The following HECW2 variants were observed in gnomAD, a reference collection of about 807,000 sequenced individuals.
The protein encoded by HECW2 is E3 ubiquitin-protein ligase HECW2.
HECW2 carries 61 observed loss-of-function variants against 175.2 expected under a neutral mutation model. The ratio of observed to expected loss-of-function variants is 0.35; its 90% CI spans 0.28 to 0.43. HECW2 has a LOEUF of 0.43. Among genes scored for constraint, HECW2 ranks in the 20% least tolerant of loss-of-function variants. The probability of loss-of-function intolerance (pLI) is 1.00; values close to 1 mark genes in which losing one functional copy is unlikely to be tolerated. For synonymous variants in HECW2, 671 were observed against 731.0 expected, an observed-to-expected ratio of 0.92 and a Z score of 1.32; for missense variants, 1,524 against 2,000.5, an observed-to-expected ratio of 0.76 and a Z score of 4.54.
intron 5 of HECW2, among the ~76,000 whole-genome samples, chr2:196,327,893 C>A (rs1312593858): frequency 6.6e-6 from 1 of 152,192 alleles, no homozygotes; most frequent in Non-Finnish European, 1.5e-5. Context: ...GGATTTTTAA[C>A]TTGCAGATGG....
At chr2:196,388,475 G>C (rs1694415101) in intron 2 of HECW2, among the ~76,000 whole-genome samples, 1 of 152,052 alleles carries the variant, frequency 6.6e-6, no homozygotes, top group Non-Finnish European at 1.5e-5. Context: ...TTATAAATTA[G>C]ATGCTATTAT....
At chr2:196,591,076 G>A (rs574218867) in intron 1 of HECW2, among the ~76,000 whole-genome samples, 81 of 152,300 alleles carry the variant, frequency 5.3e-4, no homozygotes, top group Admixed American at 1.6e-3. Context: ...AGTGGTAGGC[G>A]CAGAAAAGCT....
chr2:196,351,462 C>T (rs1040456273), intron 2 of HECW2, among the ~76,000 whole-genome samples: 3 of 151,986 alleles, frequency 2.0e-5, no homozygotes, highest in African/African-American at 7.2e-5. Flanking sequence ...TGTTAAATAA[C>T]TCCAAAACCT....
At chr2:196,300,665 C>A (rs1050066133) in intron 13 of HECW2, among the ~76,000 whole-genome samples, 1 of 150,838 alleles carries the variant, frequency 6.6e-6, no homozygotes, top group Non-Finnish European at 1.5e-5. Context: ...GTGATGCCTC[C>A]ATCTATACAT....
intron 7 of HECW2, 56 bp from the exon 8 acceptor site, chr2:196,320,495 G>A (rs1244542559): frequency 5.9e-5 from 68 of 1,147,924 alleles, no homozygotes; most frequent in Non-Finnish European, 7.7e-5. Context: ...AGCCTTCGCC[G>A]TCTTTCCACA....
At chr2:196,396,375 T>C (rs922758154) in intron 2 of HECW2, among the ~76,000 whole-genome samples, 26 of 152,290 alleles carry the variant, frequency 1.7e-4, no homozygotes, top group African/African-American at 5.1e-4. Context: ...CTTTACAAAA[T>C]GATGAATGCA....
intron 1 of HECW2, among the ~76,000 whole-genome samples, chr2:196,499,110 C>T (rs1687493148): frequency 6.6e-6 from 1 of 152,164 alleles, no homozygotes; most frequent in Admixed American, 6.5e-5. Flanking sequence ...TATCCCCCAT[C>T]TCCTTGCTCA....
intron 2 of HECW2, among the ~76,000 whole-genome samples, chr2:196,404,525 G>A (rs1694907509): frequency 6.6e-6 from 1 of 152,164 alleles, no homozygotes; most frequent in Non-Finnish European, 1.5e-5. Flanking sequence ...TAATTGTGGT[G>A]AAAGCCTCAA....
At chr2:196,500,580 GTAAC>G (rs1280740852) in intron 1 of HECW2, among the ~76,000 whole-genome samples, 9 of 152,074 alleles carry the variant, frequency 5.9e-5, no homozygotes, top group Admixed American at 3.3e-4. Flanking sequence ...CTGACATAAA[GTAAC>G]TAACTTTTAT....
At chr2:196,495,947 G>A (rs1245873616) in intron 1 of HECW2, among the ~76,000 whole-genome samples, 1 of 152,130 alleles carries the variant, frequency 6.6e-6, no homozygotes, top group African/African-American at 2.4e-5. Flanking sequence ...GAAGACTTTG[G>A]ACTTCATTCT....
At chr2:196,420,785 T>C (rs1695387531) in intron 2 of HECW2, among the ~76,000 whole-genome samples, 1 of 152,088 alleles carries the variant, frequency 6.6e-6, no homozygotes, top group African/African-American at 2.4e-5. Flanking sequence ...ATCCAAAAGA[T>C]TACTGTTTTC....
intron 2 of HECW2, among the ~76,000 whole-genome samples, chr2:196,379,236 A>C (rs1173437616): frequency 6.6e-6 from 1 of 152,224 alleles, no homozygotes; most frequent in Non-Finnish European, 1.5e-5. Context: ...CAGTTCAAAA[A>C]CAGGCAAAAC....
chr2:196,348,748 C>T (rs1255027132), intron 2 of HECW2, among the ~76,000 whole-genome samples: 3 of 152,174 alleles, frequency 2.0e-5, no homozygotes, highest in Admixed American at 6.5e-5. Context: ...TTATTTCTTC[C>T]TTTAACTGAG....
At chr2:196,317,201 T>G (rs1691730521) in intron 10 of HECW2, 73 bp downstream of exon 10, 13 of 1,131,252 alleles carry the variant, frequency 1.1e-5, no homozygotes, top group Non-Finnish European at 1.7e-5. Context: ...CTTTTGAGAC[T>G]CATGGGAATG....
intron 1 of HECW2, among the ~76,000 whole-genome samples, chr2:196,522,272 A>G (rs904128529): frequency 6.6e-5 from 10 of 152,172 alleles, no homozygotes; most frequent in Non-Finnish European, 4.4e-5. Flanking sequence ...TTGGCTGCAT[A>G]AATGTCTTCT....
chr2:196,421,481 A>G (rs971984723), intron 2 of HECW2, among the ~76,000 whole-genome samples: 1 of 152,204 alleles, frequency 6.6e-6, no homozygotes, highest in Non-Finnish European at 1.5e-5. Flanking sequence ...TAATTGCATT[A>G]TAAGTAACTT....
intron 1 of HECW2, among the ~76,000 whole-genome samples, chr2:196,469,131 G>A (rs946772467): frequency 3.2e-4 from 44 of 137,684 alleles, no homozygotes; most frequent in African/African-American, 1.4e-3. Context: ...GTGTGTGTGT[G>A]TGTGTGTGTG....
chr2:196,202,479 C>T (rs1686895754), intron 28 of HECW2, among the ~76,000 whole-genome samples: 2 of 152,258 alleles, frequency 1.3e-5, no homozygotes, highest in South Asian at 2.1e-4. Flanking sequence ...CCGTATTTCT[C>T]ACCTTTAAAA....
chr2:196,215,834 G>C (rs1687456851), intron 28 of HECW2, 31 bp downstream of exon 28: 4 of 1,423,564 alleles, frequency 2.8e-6, no homozygotes, highest in Non-Finnish European at 4.0e-6. Context: ...CAAATGTTGT[G>C]ACAGTAAAGA....
Sources: gnomAD v4.1 joint callset for allele counts (sites outside exome capture counted in the v4.1 genomes callset) on GRCh38, gnomAD v4.1.1 for gene constraint, MANE v1.5 for transcripts, NCBI Gene and HGNC (gene_info 2026-07-23, HGNC 2026-07-21) for gene names.